The following TOX3 variants were observed in gnomAD, a reference collection of about 807,000 sequenced individuals.
The protein encoded by TOX3 is CAG trinucleotide repeat-containing gene F9 protein.
In TOX3, 22 loss-of-function variants were observed where a neutral mutation model predicts 64.3. The ratio of observed to expected loss-of-function variants is 0.34; its 90% CI spans 0.24 to 0.49. The LOEUF (loss-of-function observed/expected upper bound fraction) is 0.49, where lower values mean the gene tolerates loss of function less well. TOX3 is among the 20% of genes least tolerant of loss of function. The pLI is 0.99. For missense variants in TOX3, 661 were observed against 714.4 expected, an observed-to-expected ratio of 0.93 and a Z score of 0.85; for synonymous variants, 291 against 273.6, an observed-to-expected ratio of 1.06 and a Z score of -0.63.
intron 1 of TOX3, among the ~76,000 whole-genome samples, chr16:52,518,082 A>G (rs757167362): frequency 1.2e-3 from 185 of 152,300 alleles, no homozygotes; most frequent in Admixed American, 2.8e-3. Context: ...GCATTTTTCA[A>G]ATATTGCTAA....
intron 1 of TOX3, among the ~76,000 whole-genome samples, chr16:52,473,512 G>T (rs531963975): frequency 3.9e-5 from 6 of 152,156 alleles, no homozygotes; most frequent in East Asian, 1.9e-4. Context: ...AGTGTGCCAC[G>T]CACGGTCACA....
chr16:52,477,672 T>G (rs1961248610), intron 1 of TOX3, among the ~76,000 whole-genome samples: 1 of 152,060 alleles, frequency 6.6e-6, no homozygotes, highest in African/African-American at 2.4e-5. Context: ...TTGCTAGGGG[T>G]CATTGTGTAC....
intron 1 of TOX3, among the ~76,000 whole-genome samples, chr16:52,532,089 T>G (rs1250861312): frequency 6.6e-6 from 1 of 152,138 alleles, no homozygotes; most frequent in African/African-American, 2.4e-5. Context: ...GAAGCGGTCA[T>G]AGCCTGGAGA....
At chr16:52,488,605 CAA>C (rs1280953470) in intron 1 of TOX3, among the ~76,000 whole-genome samples, 1 of 152,034 alleles carries the variant, frequency 6.6e-6, no homozygotes, top group Non-Finnish European at 1.5e-5. Flanking sequence ...AGAAGGAAAA[CAA>C]AAGTTAAAAA....
chr16:52,457,518 T>G (rs1241849541), intron 3 of TOX3, among the ~76,000 whole-genome samples: 3 of 152,212 alleles, frequency 2.0e-5, no homozygotes, highest in Non-Finnish European at 4.4e-5. Flanking sequence ...ATATTTTCAC[T>G]GTGCCAGTTT....
intron 1 of TOX3, among the ~76,000 whole-genome samples, chr16:52,478,384 T>C (rs1359815603): frequency 6.6e-6 from 1 of 152,180 alleles, no homozygotes; most frequent in Non-Finnish European, 1.5e-5. Flanking sequence ...TACGCAGGTT[T>C]CTGCTCAATG....
At chr16:52,483,564 G>GTTTC (rs34539546) in intron 1 of TOX3, among the ~76,000 whole-genome samples, 1 of 99,442 alleles carries the variant, frequency 1.0e-5, no homozygotes, top group Non-Finnish European at 1.9e-5. Flanking sequence ...GGGCAGTTTG[G>GTTTC]TTTTTTTTTT....
Position 52,528,526 on chromosome 16 carries a change from A to G in TOX3, c.87+18111T>C, listed in dbSNP as rs372477128. Among the ~76,000 whole-genome samples, 18 of 152,178 alleles carry G rather than the reference A, an allele frequency of 1.2e-4. No homozygotes were observed. The East Asian group carries it at 1.9e-3, about 16-fold the overall frequency. On this transcript the variant is annotated intron_variant, in intron 1 of 6. Transcript: ENST00000219746. ...GATCACAGGGCCAATAAATGGTGGA[A>G]CCCCAGTTCAAACCGGGCAGACTGC...
At chr16:52,488,701 C>T (rs1961594569) in intron 1 of TOX3, among the ~76,000 whole-genome samples, 1 of 152,112 alleles carries the variant, frequency 6.6e-6, no homozygotes, top group African/African-American at 2.4e-5. Context: ...AAATTGTCCT[C>T]AAATCTATGA....
At chr16:52,456,390 G>A (rs1409271387) in intron 3 of TOX3, among the ~76,000 whole-genome samples, 1 of 152,168 alleles carries the variant, frequency 6.6e-6, no homozygotes, top group Non-Finnish European at 1.5e-5. Flanking sequence ...CAGAGTGGGT[G>A]GGCCATGGAT....
intron 2 of TOX3, among the ~76,000 whole-genome samples, chr16:52,466,302 A>G (rs980630994): frequency 6.6e-6 from 1 of 152,210 alleles, no homozygotes; most frequent in African/African-American, 2.4e-5. Flanking sequence ...GAAAACATAA[A>G]GCAAATGTGT....
rs1961491917 is a variant in TOX3, at chr16:52,485,244, GTGTATATATA to G, written c.88-16680_88-16671del. On this transcript the variant is annotated intron_variant, in intron 1 of 6. Transcript: ENST00000219746. ...TACATGTGTGTGTGTGTATGTGTGTGTGTATATATATATATATATATATATATACATATCT... is the reference window on the plus strand; with the variant it reads ...TACATGTGTGTGTGTGTATGTGTGTGTATATATATATATATATACATATCT... 3.1e-5 allele frequency among the ~76,000 whole-genome samples: 3 copies of G among 95,322 alleles called. 1 individual carries two copies. The highest frequency in any genetic ancestry group is 1.6e-4 in the African/African-American group (3 of 18,346). 62.5% of individuals were successfully genotyped at this position (95,322 alleles called of 152,430 possible). A position where few individuals can be genotyped will look rare whatever the true frequency, so the allele number is the denominator to read the frequency against.
intron 5 of TOX3, 124 bp from the exon 6 acceptor site, chr16:52,444,480 T>C (rs1596772210): frequency 4.6e-6 from 3 of 645,862 alleles, no homozygotes; most frequent in African/African-American, 3.8e-5. Flanking sequence ...TTGGCTTTGA[T>C]TTTTAAATGT....
intron 1 of TOX3, among the ~76,000 whole-genome samples, chr16:52,538,243 C>A (rs1242424555): frequency 6.6e-6 from 1 of 152,096 alleles, no homozygotes; most frequent in South Asian, 2.1e-4. Flanking sequence ...TTAACTCATC[C>A]CCTTTTGAAG....
intron 3 of TOX3, among the ~76,000 whole-genome samples, chr16:52,462,466 G>A (rs190965888): frequency 6.6e-6 from 1 of 152,022 alleles, no homozygotes; most frequent in East Asian, 1.9e-4. Flanking sequence ...TTAAGGCAAG[G>A]TAATTCATCA....
At chr16:52,505,939 G>A (rs1220286262) in intron 1 of TOX3, among the ~76,000 whole-genome samples, 2 of 152,142 alleles carry the variant, frequency 1.3e-5, no homozygotes, top group African/African-American at 4.8e-5. Context: ...TCACACCACT[G>A]CACTCCAGCC....
chr16:52,493,592 T>C (rs1961759667), intron 1 of TOX3, among the ~76,000 whole-genome samples: 1 of 152,200 alleles, frequency 6.6e-6, no homozygotes. Flanking sequence ...ATATTCTCGT[T>C]TGTTCTCCCT....
intron 1 of TOX3, among the ~76,000 whole-genome samples, chr16:52,479,120 C>T (rs925912917): frequency 2.0e-5 from 3 of 152,134 alleles, no homozygotes; most frequent in African/African-American, 7.2e-5. Flanking sequence ...GAAGTACTCC[C>T]CCTTGAAAGT....
intron 5 of TOX3, chr16:52,445,692 T>C: frequency 3.6e-6 from 1 of 279,370 alleles, no homozygotes; most frequent in East Asian, 7.8e-5. Flanking sequence ...GGGAAAAAAT[T>C]CCACATTATT....
Sources: allele counts gnomAD v4.1 joint callset (sites outside exome capture counted in the v4.1 genomes callset), GRCh38; gene constraint gnomAD v4.1.1; transcripts MANE v1.5; gene names NCBI Gene and HGNC (gene_info 2026-07-23, HGNC 2026-07-21).